CSTL1: variants seen among roughly 807,000 people sequenced by gnomAD.
CSTL1 encodes the protein cystatin like 1.
In CSTL1, 14 loss-of-function variants were observed where a neutral mutation model predicts 14.4. The observed-to-expected ratio is 0.97, with a 90% confidence interval of 0.64 to 1.52. The LOEUF (loss-of-function observed/expected upper bound fraction) is 1.52, where lower values mean the gene tolerates loss of function less well. Ranked by LOEUF, CSTL1 falls within the 40% of genes most tolerant of loss-of-function variation. The pLI is 0.00. For missense variants in CSTL1, 170 were observed against 168.7 expected, an observed-to-expected ratio of 1.01 and a Z score of -0.04; for synonymous variants, 72 against 67.5, an observed-to-expected ratio of 1.07 and a Z score of -0.33.
chr20:23,452,664 A>G, the CSTL1 span: 3 of 1,614,090 alleles, frequency 1.9e-6, no homozygotes, highest in Admixed American at 3.3e-5. Context: ...TCGGTGATCC[A>G]CTGCAAGCTG....
In CSTL1 at chr20:23,440,137, A is replaced by C. The variant is rs1477556570; in HGVS notation, c.-124-7A>C. On this transcript the variant is annotated splice_polypyrimidine_tract_variant and splice_region_variant and intron_variant, in intron 1 of 3. Transcript: ENST00000347397. ...AGGTTCAGGTCTGAATCTCTGTTTAAATGCAGGCAGGCCATCCCCCAGGAA... is the reference window on the plus strand; with the variant it reads ...AGGTTCAGGTCTGAATCTCTGTTTACATGCAGGCAGGCCATCCCCCAGGAA... 2 of 836,862 alleles carry C rather than the reference A, an allele frequency of 2.4e-6. No homozygotes were observed. The highest frequency in any genetic ancestry group is 3.8e-6 in the Non-Finnish European group (2 of 521,886). 51.8% of individuals were successfully genotyped at this position (836,862 alleles called of 1,614,324 possible).
intron 2 of CSTL1, 154 bp downstream of exon 2, chr20:23,440,640 A>T: frequency 1.4e-6 from 1 of 724,260 alleles, no homozygotes; most frequent in Non-Finnish European, 2.5e-6. Context: ...TACATTGTAG[A>T]GTTGTTCAGA....
At chr20:23,451,936 G>T in the CSTL1 span, 20 of 1,590,680 alleles carry the variant, frequency 1.3e-5, no homozygotes, top group Admixed American at 1.7e-5. Flanking sequence ...GGCGCCAGGC[G>T]TGGGGGAGGC....
At chr20:23,449,999 G>A in the CSTL1 span, among the ~76,000 whole-genome samples, 1 of 152,160 alleles carries the variant, frequency 6.6e-6, no homozygotes, top group African/African-American at 2.4e-5. Flanking sequence ...TATCATATCA[G>A]TAGCAAAGGC....
downstream of CSTL1, among the ~76,000 whole-genome samples, chr20:23,446,072 A>G (rs1056785436): frequency 6.6e-6 from 1 of 152,166 alleles, no homozygotes; most frequent in African/African-American, 2.4e-5. Context: ...GGCACGTGCC[A>G]AAATTCCAGA....
downstream of CSTL1, among the ~76,000 whole-genome samples, chr20:23,447,219 A>C (rs115786957): frequency 0.011 from 1,679 of 152,332 alleles, 31 homozygotes; most frequent in African/African-American, 0.039. Context: ...TTAGAAATGG[A>C]GTCATACAAT....
At chr20:23,448,331 C>G (rs984697313), downstream of CSTL1, among the ~76,000 whole-genome samples, 1 of 152,194 alleles carries the variant, frequency 6.6e-6, no homozygotes, top group Admixed American at 6.5e-5. Flanking sequence ...CCTGAGCCAG[C>G]ATTGAGACAG....
the CSTL1 span, among the ~76,000 whole-genome samples, chr20:23,457,215 A>G: frequency 6.6e-6 from 1 of 151,698 alleles, no homozygotes; most frequent in Non-Finnish European, 1.5e-5. Flanking sequence ...GACCATCTCA[A>G]CCCAGCCGCT....
At chr20:23,444,961 GCA>G (rs1986935654), downstream of CSTL1, 65 of 865,806 alleles carry the variant, frequency 7.5e-5, no homozygotes, top group South Asian at 2.2e-4. Context: ...TATTACACAT[GCA>G]CACACACACA....
intron 1 of CSTL1, 107 bp downstream of exon 1, chr20:23,439,913 T>C (rs990819417): frequency 1.8e-5 from 5 of 276,714 alleles, no homozygotes; most frequent in African/African-American, 1.1e-4. Context: ...GTGATGCTTC[T>C]CTATCTACAA....
the CSTL1 span, chr20:23,450,355 C>T: frequency 7.3e-6 from 4 of 547,550 alleles, no homozygotes; most frequent in African/African-American, 5.7e-5. Context: ...TTACTATGAG[C>T]TGAAGAATTT....
chr20:23,445,549 G>T, downstream of CSTL1, among the ~76,000 whole-genome samples: 1 of 152,074 alleles, frequency 6.6e-6, no homozygotes, highest in East Asian at 1.9e-4. Flanking sequence ...GTGAGCTACC[G>T]CACCCACCCA....
Position 23,440,294 on chromosome 20 carries a change from C to T in CSTL1, c.27C>T (p.Pro9=). ...TGGGGATCGGATGCTGGAGAAACCC[C>T]CTGCTGCTGCTGATTGCCCTGGTCC... MGIGCWRN[P]LLLLIALVLS... is the part of the protein sequence containing the mutation. Residue 9 remains proline (P), a synonymous_variant, in exon 2 of 4, where the codon CCC becomes CCT. Coordinates refer to ENST00000347397, the MANE Select transcript of CSTL1 (RefSeq NM_138283.1). 3.7e-6 allele frequency: 6 copies of T among 1,614,170 alleles called. No individual in the cohort carries two copies. The highest frequency in any genetic ancestry group is 4.2e-6 in the Non-Finnish European group (5 of 1,180,028).
At chr20:23,445,937 C>G (rs940379026), downstream of CSTL1, among the ~76,000 whole-genome samples, 2 of 152,080 alleles carry the variant, frequency 1.3e-5, no homozygotes, top group South Asian at 2.1e-4. Context: ...CTCTCGGTGC[C>G]GTCACACAGA....
At chr20:23,452,378 G>A in the CSTL1 span, among the ~76,000 whole-genome samples, 3 of 152,172 alleles carry the variant, frequency 2.0e-5, no homozygotes, top group Non-Finnish European at 4.4e-5. Flanking sequence ...TTTGGCCCTT[G>A]GGATGTAATG....
At chr20:23,447,042 T>G (rs1027923240), downstream of CSTL1, among the ~76,000 whole-genome samples, 1 of 152,202 alleles carries the variant, frequency 6.6e-6, no homozygotes, top group African/African-American at 2.4e-5. Flanking sequence ...AATTGAGGGC[T>G]GACTGGGTGA....
downstream of CSTL1, among the ~76,000 whole-genome samples, chr20:23,449,771 T>G (rs1158893266): frequency 6.6e-6 from 1 of 152,144 alleles, no homozygotes; most frequent in East Asian, 1.9e-4. Flanking sequence ...TTAATCTGAC[T>G]GGTCTGTTTG....
At chr20:23,441,635 G>A (rs994716299) in intron 2 of CSTL1, among the ~76,000 whole-genome samples, 5 of 152,296 alleles carry the variant, frequency 3.3e-5, no homozygotes, top group African/African-American at 1.2e-4. Context: ...ATGCTATGTA[G>A]ATAATTATTA....
the CSTL1 span, among the ~76,000 whole-genome samples, chr20:23,455,154 C>T: frequency 1.3e-5 from 2 of 152,144 alleles, no homozygotes; most frequent in African/African-American, 4.8e-5. Flanking sequence ...GTGCCTTGTG[C>T]CCTTGCCACT....
Sources: gnomAD v4.1 joint callset for allele counts (sites outside exome capture counted in the v4.1 genomes callset) on GRCh38, gnomAD v4.1.1 for gene constraint, MANE v1.5 for transcripts, NCBI Gene and HGNC (gene_info 2026-07-23, HGNC 2026-07-21) for gene names.